The following MS4A18 variants were observed in gnomAD, a reference collection of about 807,000 sequenced individuals.
The protein encoded by MS4A18 is membrane spanning 4-domains A18, also known as membrane-spanning 4-domains subfamily A member 18.
In MS4A18, 27 loss-of-function variants were observed where a neutral mutation model predicts 13.1. The observed-to-expected ratio is 2.06, with a 90% CI of 1.52 to 2.84. MS4A18 has a LOEUF of 2.84. Ranked by LOEUF, MS4A18 falls within the 30% of genes most tolerant of loss-of-function variation. The probability of loss-of-function intolerance (pLI) is 0.00; values close to 1 mark genes in which losing one functional copy is unlikely to be tolerated. For missense variants in MS4A18, 307 were observed against 196.4 expected (o/e 1.56, Z -3.37); for synonymous variants, 126 against 76.5 (o/e 1.65, Z -3.38).
intron 1 of MS4A18, among the ~76,000 whole-genome samples, chr11:60,733,002 A>G (rs1275715137): frequency 6.6e-6 from 1 of 152,244 alleles, no homozygotes; most frequent in Non-Finnish European, 1.5e-5. Context: ...TCTATTTTGG[A>G]AAAATCAGAT....
At chr11:60,743,039 G>A (rs1853431152) in intron 5 of MS4A18, among the ~76,000 whole-genome samples, 1 of 152,150 alleles carries the variant, frequency 6.6e-6, no homozygotes. Context: ...CACTTTTCCA[G>A]CCTTTGCTAA....
chr11:60,741,344 A>G (rs1471324429), intron 5 of MS4A18, among the ~76,000 whole-genome samples: 1 of 152,182 alleles, frequency 6.6e-6, no homozygotes, highest in Non-Finnish European at 1.5e-5. Flanking sequence ...AGCTTGGGCT[A>G]TGATCAGTGG....
chr11:60,739,042 A>G, intron 4 of MS4A18, 45 bp downstream of exon 5: 1 of 699,508 alleles, frequency 1.4e-6, no homozygotes. Context: ...AAGGACCAGG[A>G]GGGCTTCTGA....
upstream of MS4A18, among the ~76,000 whole-genome samples, chr11:60,728,913 CA>C (rs1853207125): frequency 6.6e-6 from 1 of 152,102 alleles, no homozygotes; most frequent in African/African-American, 2.4e-5. Flanking sequence ...AAGAAGTTAC[CA>C]GAGCATTTGG....
intron 1 of MS4A18, among the ~76,000 whole-genome samples, chr11:60,731,098 A>C (rs1245477744): frequency 6.6e-6 from 1 of 152,230 alleles, no homozygotes; most frequent in Non-Finnish European, 1.5e-5. Flanking sequence ...AGTCTTTAAA[A>C]AAAAAGAAAA....
At chr11:60,728,428 G>A (rs1853197236), upstream of MS4A18, among the ~76,000 whole-genome samples, 1 of 150,618 alleles carries the variant, frequency 6.6e-6, no homozygotes, top group African/African-American at 2.5e-5. Flanking sequence ...GTGTGTGTGT[G>A]TGTATCTGTG....
chr11:60,735,607 G>A (rs1268243556), intron 2 of MS4A18, among the ~76,000 whole-genome samples: 2 of 148,010 alleles, frequency 1.4e-5, no homozygotes, highest in African/African-American at 2.5e-5. Context: ...AAAGTGCTGG[G>A]ATTACAAGCG....
At chr11:60,741,031 C>T (rs773880256) in exon 5 of MS4A18, 1 of 703,044 alleles carries the variant, frequency 1.4e-6, no homozygotes, top group Non-Finnish European at 2.6e-6. Flanking sequence ...TGCCTTTAGA[C>T]ATATTCAAAG....
chr11:60,735,365 G>A (rs1232909884), intron 2 of MS4A18, among the ~76,000 whole-genome samples: 14 of 139,166 alleles, frequency 1.0e-4, no homozygotes, highest in Non-Finnish European at 2.1e-4. Flanking sequence ...ACGGAGTCTC[G>A]CTCTGTCGCC....
At chr11:60,737,521 G>A (rs1461484854) in intron 3 of MS4A18, among the ~76,000 whole-genome samples, 1 of 152,204 alleles carries the variant, frequency 6.6e-6, no homozygotes, top group Non-Finnish European at 1.5e-5. Flanking sequence ...AGAAAAGTGA[G>A]AGCAATACCT....
rs1565058636 is a variant in MS4A18, at chr11:60,729,588, G to T, written c.273G>T (p.Leu91Phe). ...AGTATCCAGTGGGAACAGCCAGTTT[G>T]CAGACGGTGCCTGGAGTGATCCAAT... Residue 91 changes from leucine (L) to phenylalanine (F), a missense_variant, in exon 1 of 6, where the codon TTG (leucine) becomes TTT (phenylalanine). Leu to Phe is a conservative substitution (Grantham distance 22, BLOSUM62 0). Coordinates refer to ENST00000529108, the Ensembl canonical transcript of MS4A18. The T allele has an allele frequency of 5.7e-6, 4 of 702,780 alleles. No individual in the cohort carries two copies. In the Middle Eastern group the frequency reaches 6.9e-4, roughly 121 times the overall value. The allele number at this position is 702,780 out of a possible 1,614,324, so 43.5% of individuals were successfully genotyped here.
chr11:60,737,569 G>A (rs1380568072), intron 3 of MS4A18, among the ~76,000 whole-genome samples: 7 of 152,152 alleles, frequency 4.6e-5, no homozygotes, highest in Non-Finnish European at 1.0e-4. Flanking sequence ...GGAGCACAGG[G>A]CCCAGAATTC....
upstream of MS4A18, among the ~76,000 whole-genome samples, chr11:60,727,997 T>A (rs1431492974): frequency 6.6e-6 from 1 of 152,212 alleles, no homozygotes; most frequent in South Asian, 2.1e-4. Flanking sequence ...CTGCAGGCTA[T>A]TAAGGGTTTG....
chr11:60,724,795 G>GT (rs1342685159), upstream of MS4A18, among the ~76,000 whole-genome samples: 2 of 152,330 alleles, frequency 1.3e-5, no homozygotes, highest in South Asian at 2.1e-4. Flanking sequence ...GGAGCACAAG[G>GT]TAAGACTTCT....
At chr11:60,737,145 T>A in intron 3 of MS4A18, 111 bp downstream of exon 4, 1 of 679,098 alleles carries the variant, frequency 1.5e-6, no homozygotes. Flanking sequence ...TGGCCCTGGG[T>A]ACAGTGCATT....
chr11:60,725,959 A>G (rs1317473110), upstream of MS4A18, among the ~76,000 whole-genome samples: 2 of 152,222 alleles, frequency 1.3e-5, no homozygotes, highest in East Asian at 3.8e-4. Flanking sequence ...GAAAGCAAGG[A>G]ATGTCAAGGT....
At chr11:60,733,925 T>G (rs1237850180) in intron 2 of MS4A18, among the ~76,000 whole-genome samples, 1 of 144,294 alleles carries the variant, frequency 6.9e-6, no homozygotes, top group Non-Finnish European at 1.5e-5. Flanking sequence ...TCTTCCACCC[T>G]CTCTGGGTTC....
At chr11:60,744,103 C>T in exon 6 of MS4A18, 1 of 616,520 alleles carries the variant, frequency 1.6e-6, no homozygotes, top group Non-Finnish European at 2.9e-6. Context: ...ATGACCCTAG[C>T]CTTGTTGCCA....
chr11:60,735,661 C>CTTTTTTTTTTTTTTTTTTTTTTTTTTTTT (rs1167113182), intron 2 of MS4A18, among the ~76,000 whole-genome samples: 1 of 90,108 alleles, frequency 1.1e-5, no homozygotes, highest in Non-Finnish European at 2.1e-5. Context: ...CATTCCCTTG[C>CTTTTTTTTTTTTTTTTTTTTTTTTTTTTT]TTTTTTTTTT....
Sources: gnomAD v4.1 joint callset for allele counts (sites outside exome capture counted in the v4.1 genomes callset) on GRCh38, gnomAD v4.1.1 for gene constraint, MANE v1.5 for transcripts, NCBI Gene and HGNC (gene_info 2026-07-23, HGNC 2026-07-21) for gene names.